Variants in MYO5C observed in about 807,000 individuals in gnomAD.
MYO5C encodes myosin VC.
In MYO5C, 194 loss-of-function variants were observed where a neutral mutation model predicts 235.7. The observed-to-expected ratio is 0.82, with a 90% CI of 0.73 to 0.93. The LOEUF (loss-of-function observed/expected upper bound fraction) is 0.93, where lower values mean the gene tolerates loss of function less well. MYO5C is among the 40% of genes least tolerant of loss of function. MYO5C has a pLI of 0.00. For missense variants in MYO5C, 2,038 were observed against 2,127.2 expected (o/e 0.96, Z 0.82); for synonymous variants, 707 against 754.8 (o/e 0.94, Z 1.04).
chr15:52,202,398 TGGCCACTTCCACCTGGTGGAA>T (rs1311803801), intron 38 of MYO5C, among the ~76,000 whole-genome samples: 1 of 151,808 alleles, frequency 6.6e-6, no homozygotes. Flanking sequence ...AAGAAAAGGA[TGGCCACTTCCACCTGGTGGAA>T]GGGAAAAAGT....
intron 11 of MYO5C, among the ~76,000 whole-genome samples, chr15:52,255,663 T>G (rs1237937133): frequency 1.3e-5 from 2 of 152,140 alleles, no homozygotes; most frequent in Non-Finnish European, 2.9e-5. Flanking sequence ...AATTCAAAAG[T>G]GAATTCAATA....
rs377593466 is a variant in MYO5C, at chr15:52,255,815, T to C, written c.1395+824A>G. On this transcript the variant is annotated intron_variant, in intron 11 of 40. Coordinates refer to ENST00000261839, the MANE Select transcript of MYO5C (RefSeq NM_018728.4). ...TTATTCATCTTTCTACCTCAGCACT[T>C]AACTTGGTACCTGGTATACACAGTA... Among the ~76,000 whole-genome samples, 37 of 152,240 alleles carry C rather than the reference T, an allele frequency of 2.4e-4. 1 individual carries two copies. In the East Asian group the frequency reaches 6.6e-3, roughly 27 times the overall value.
At chr15:52,201,595 T>C (rs2035188419) in intron 38 of MYO5C, among the ~76,000 whole-genome samples, 2 of 152,190 alleles carry the variant, frequency 1.3e-5, no homozygotes, top group African/African-American at 4.8e-5. Flanking sequence ...CTTGGAACAT[T>C]AGGAATGAAG....
At chr15:52,206,859 C>T (rs1317672545) in intron 36 of MYO5C, among the ~76,000 whole-genome samples, 2 of 152,170 alleles carry the variant, frequency 1.3e-5, no homozygotes, top group South Asian at 2.1e-4. Context: ...TAGGGCTGGG[C>T]GTGGTGGCTT....
chr15:52,282,630 C>G (rs929726110), intron 2 of MYO5C, 152 bp downstream of exon 2: 1 of 639,540 alleles, frequency 1.6e-6, no homozygotes, highest in East Asian at 2.7e-5. Flanking sequence ...CAGTGAGTCC[C>G]GGCACCAGGA....
chr15:52,223,148 C>CA lies in MYO5C; in HGVS notation c.3627+395dup, dbSNP rs59251560. Among the ~76,000 whole-genome samples, 1,189 of 128,840 alleles carry CA rather than the reference C, an allele frequency of 9.2e-3. 12 individuals carry two copies. The highest frequency in any genetic ancestry group is 0.025 in the African/African-American group (818 of 32,712). 84.5% of individuals were successfully genotyped at this position (128,840 alleles called of 152,430 possible). On this transcript the variant is annotated intron_variant, in intron 29 of 40. Coordinates refer to ENST00000261839, the MANE Select transcript of MYO5C (RefSeq NM_018728.4). ...TGGGCAACAGAGTGAGACTTCATCTCAAAAAAAAAAAAAAAAAAGGTGAGA... is the reference window on the plus strand; with the variant it reads ...TGGGCAACAGAGTGAGACTTCATCTCAAAAAAAAAAAAAAAAAAAGGTGAGA...
At chr15:52,228,538 T>C (rs1043483002) in intron 25 of MYO5C, among the ~76,000 whole-genome samples, 1 of 152,212 alleles carries the variant, frequency 6.6e-6, no homozygotes, top group Admixed American at 6.5e-5. Context: ...ATTTCTACCA[T>C]TGAAAATTTA....
At chr15:52,278,158 T>C in intron 4 of MYO5C, 1 of 346,688 alleles carries the variant, frequency 2.9e-6, no homozygotes, top group Non-Finnish European at 5.7e-6. Flanking sequence ...GTTTCTATTC[T>C]CCATACTTTA....
intron 5 of MYO5C, among the ~76,000 whole-genome samples, chr15:52,274,228 C>T (rs939060800): frequency 1.3e-5 from 2 of 152,042 alleles, no homozygotes; most frequent in Admixed American, 1.3e-4. Context: ...GGAGACAAAC[C>T]CTAAATATTT....
intron 11 of MYO5C, among the ~76,000 whole-genome samples, chr15:52,255,079 A>G (rs1297837861): frequency 6.6e-6 from 1 of 151,568 alleles, no homozygotes; most frequent in Non-Finnish European, 1.5e-5. Flanking sequence ...TTAGACAGTT[A>G]TTATTGACTC....
intron 13 of MYO5C, among the ~76,000 whole-genome samples, chr15:52,249,847 T>G (rs539312281): frequency 1.3e-5 from 2 of 152,336 alleles, no homozygotes; most frequent in East Asian, 1.9e-4. Context: ...CTCAGCTGAC[T>G]TGCATTCAAT....
intron 38 of MYO5C, 67 bp downstream of exon 38, chr15:52,204,798 G>A: frequency 6.4e-7 from 1 of 1,552,752 alleles, no homozygotes; most frequent in Non-Finnish European, 8.7e-7. Flanking sequence ...AGGCGCGTGG[G>A]GCCTCGGACT....
Position 52,231,867 on chromosome 15 carries a change from A to G in MYO5C, c.3026+755T>C, listed in dbSNP as rs187197302. On this transcript the variant is annotated intron_variant, in intron 24 of 40. Transcript: ENST00000261839. ...CTTGGAGGTTAGCAAAGGGTTTGCT[A>G]TTGAGATAGGAAAGGTGGGCTGGTA... Among the ~76,000 whole-genome samples the G allele has an allele frequency of 6.6e-4, 100 of 152,322 alleles. 1 individual carries two copies. The highest frequency in any genetic ancestry group is 1.2e-4 in the Non-Finnish European group (8 of 68,030).
intron 4 of MYO5C, 53 bp downstream of exon 4, chr15:52,278,820 A>T: frequency 6.2e-7 from 1 of 1,601,458 alleles, no homozygotes. Context: ...TGGTCTGGCA[A>T]ATGCAGGGAG....
At chr15:52,206,486 G>T (rs928254251) in intron 36 of MYO5C, among the ~76,000 whole-genome samples, 1 of 152,184 alleles carries the variant, frequency 6.6e-6, no homozygotes, top group Admixed American at 6.5e-5. Context: ...GAGGTTAAAT[G>T]AGGTCATGAG....
chr15:52,294,458 C>T (rs991819708), intron 1 of MYO5C, among the ~76,000 whole-genome samples: 2 of 152,182 alleles, frequency 1.3e-5, no homozygotes. Flanking sequence ...GCTTTGTGTC[C>T]GGACTGTTAC....
chr15:52,257,166 C>G (rs1007779007), intron 10 of MYO5C, among the ~76,000 whole-genome samples: 3 of 152,252 alleles, frequency 2.0e-5, no homozygotes, highest in African/African-American at 7.2e-5. Context: ...TTCCTATTCT[C>G]TCCTTGTCTG....
intron 20 of MYO5C, among the ~76,000 whole-genome samples, chr15:52,240,469 G>A (rs1049550675): frequency 6.1e-5 from 9 of 147,728 alleles, no homozygotes; most frequent in African/African-American, 2.2e-4. Context: ...TACTCAGGAG[G>A]CTGAGGCATG....
At chr15:52,286,266 G>A (rs1482245517) in intron 1 of MYO5C, among the ~76,000 whole-genome samples, 1 of 150,936 alleles carries the variant, frequency 6.6e-6, no homozygotes, top group African/African-American at 2.4e-5. Flanking sequence ...CTGGGAGGGA[G>A]GTGGGGGTCA....
Sources: allele counts gnomAD v4.1 joint callset (sites outside exome capture counted in the v4.1 genomes callset), GRCh38; gene constraint gnomAD v4.1.1; transcripts MANE v1.5; gene names NCBI Gene and HGNC (gene_info 2026-07-23, HGNC 2026-07-21).